OSBPL3: variants seen among roughly 807,000 people sequenced by gnomAD.
OSBPL3 encodes the protein oxysterol-binding protein-related protein 3.
Under a neutral mutation model 120.1 loss-of-function variants are expected in OSBPL3, and 65 were observed. That is an observed-to-expected ratio of 0.54 (90% CI 0.44 to 0.67). The LOEUF (loss-of-function observed/expected upper bound fraction) is 0.67, where lower values mean the gene tolerates loss of function less well. Among genes scored for constraint, OSBPL3 ranks in the 30% least tolerant of loss-of-function variants. OSBPL3 has a pLI of 0.00. For synonymous variants in OSBPL3, 416 were observed against 402.6 expected, an observed-to-expected ratio of 1.03 and a Z score of -0.40; for missense variants, 1,004 against 1,082.1, an observed-to-expected ratio of 0.93 and a Z score of 1.01.
intron 1 of OSBPL3, among the ~76,000 whole-genome samples, chr7:24,924,324 T>C (rs764989632): frequency 5.9e-5 from 9 of 152,220 alleles, no homozygotes; most frequent in Non-Finnish European, 1.3e-4. Flanking sequence ...TAAGAGATTT[T>C]TTCTTCCTCT....
intron 1 of OSBPL3, among the ~76,000 whole-genome samples, chr7:24,911,698 A>G (rs1808843816): frequency 6.6e-6 from 1 of 151,226 alleles, no homozygotes; most frequent in South Asian, 2.1e-4. Flanking sequence ...TGCAGGGGCG[A>G]TAATAATTCC....
At chr7:24,915,446 G>A (rs1054819174) in intron 1 of OSBPL3, among the ~76,000 whole-genome samples, 1 of 151,900 alleles carries the variant, frequency 6.6e-6, no homozygotes, top group Non-Finnish European at 1.5e-5. Flanking sequence ...CAGAAAAGTT[G>A]TCTTTCAAAA....
chr7:24,828,979 T>C (rs895454112), intron 16 of OSBPL3, among the ~76,000 whole-genome samples: 1 of 152,200 alleles, frequency 6.6e-6, no homozygotes, highest in African/African-American at 2.4e-5. Flanking sequence ...TTTGTGCACA[T>C]GTGCCCAGGA....
Position 24,808,664 on chromosome 7 carries a change from A to G in OSBPL3, c.2317+1143T>C, listed in dbSNP as rs184095404. On this transcript the variant is annotated intron_variant, in intron 20 of 22. Coordinates refer to ENST00000313367, the MANE Select transcript of OSBPL3 (RefSeq NM_015550.4). The surrounding 1 kb of genome is among the most constrained non-coding windows in gnomAD (Gnocchi z 4.6). ...ACTGCTGGCTGCCTACTTGACCATC[A>G]TTTCTCTTTCTTGCTTGCTAACAGA... 1.3e-5 allele frequency among the ~76,000 whole-genome samples: 2 copies of G among 152,260 alleles called. No homozygotes were observed. Among genetic ancestry groups the G allele is most frequent in the Admixed American group, 6.5e-5 (1 of 15,296 alleles).
intron 2 of OSBPL3, among the ~76,000 whole-genome samples, chr7:24,887,528 A>G (rs1426640320): frequency 6.6e-6 from 1 of 152,188 alleles, no homozygotes; most frequent in Non-Finnish European, 1.5e-5. Context: ...GAAAACACTC[A>G]ATTTTCTCTT....
intron 1 of OSBPL3, among the ~76,000 whole-genome samples, chr7:24,970,354 C>T (rs1816869597): frequency 6.6e-6 from 1 of 152,114 alleles, no homozygotes; most frequent in African/African-American, 2.4e-5. Context: ...GATCTGCCTG[C>T]CTCAGTCTCT....
rs769382992 is a variant in OSBPL3 at position 24,852,570 on chromosome 7, C to T, written c.1092G>A (p.Leu364=). The change falls in exon 11 of 23, where the codon CTG becomes CTA. Residue 364 remains leucine (L), a synonymous_variant. Coordinates refer to ENST00000313367, the MANE Select transcript of OSBPL3 (RefSeq NM_015550.4). This position sits in a 1 kb window ranked among gnomAD's most constrained non-coding sequence, Gnocchi z 4.1. ...MSAEREKLKQ[L]MEQDASSSPS... The stretch of plus-strand genomic sequence containing the variant: ...GGGAGGAGGAGGCATCCTGCTCCAT[C>T]AGCTGCTTCAGTTTCTCTCTCTCCG... 3.7e-6 allele frequency: 6 copies of T among 1,610,132 alleles called. No homozygotes were observed. The highest frequency in any genetic ancestry group is 1.1e-5 in the South Asian group (1 of 90,298).
At chr7:24,829,771 G>C (rs1796150731) in intron 16 of OSBPL3, among the ~76,000 whole-genome samples, 1 of 151,790 alleles carries the variant, frequency 6.6e-6, no homozygotes, top group African/African-American at 2.4e-5. Context: ...ATATCTTAGA[G>C]GTTTTTTTTA....
rs1403459515 is a variant in OSBPL3 at position 24,871,976 on chromosome 7, A to G, written c.190T>C (p.Trp64Arg). 1.9e-6 allele frequency: 3 copies of G among 1,613,830 alleles called. No homozygotes were observed. Among genetic ancestry groups the G allele is most frequent in the Non-Finnish European group, 2.5e-6 (3 of 1,179,730 alleles). The change falls in exon 3 of 23, where the codon TGG (tryptophan) becomes CGG (arginine). Residue 64 changes from tryptophan (W) to arginine (R), a missense_variant. Physicochemically the swap from Trp to Arg is moderately radical, Grantham distance 101. This residue lies in a region of OSBPL3 where 255 missense variants were observed against 248.7 expected (regional missense o/e 1.03). Transcript: ENST00000313367. The surrounding 1 kb of genome is among the most constrained non-coding windows in gnomAD (Gnocchi z 4.8). ...ACCTTATGCCAGCCTTTTAAGGGCCACTTCCTCTTTTTCAGCAAAAATCCT... is the reference window on the plus strand; with the variant it reads ...ACCTTATGCCAGCCTTTTAAGGGCCGCTTCCTCTTTTTCAGCAAAAATCCT... ...QKGFLLKKRK[W>R]PLKGWHKRFF...
intron 6 of OSBPL3, 40 bp downstream of exon 6, chr7:24,866,030 A>G (rs952903089): frequency 1.3e-6 from 2 of 1,557,392 alleles, no homozygotes; most frequent in Admixed American, 1.7e-5. Context: ...AAACAAAGCC[A>G]CCCCGTTCTC....
Position 24,866,214 on chromosome 7 carries a change from A to C in OSBPL3, c.405T>G (p.Asp135Glu), listed in dbSNP as rs755651524. The C allele has an allele frequency of 6.2e-7, 1 of 1,611,920 alleles. No homozygotes were observed. The highest frequency in any genetic ancestry group is 8.5e-7 in the Non-Finnish European group (1 of 1,177,978). Residue 135 changes from aspartate to glutamate, a missense_variant, in exon 6 of 23, where the codon GAT (aspartate) becomes GAG (glutamate). Around this residue, in one of 4 missense-constraint regions of OSBPL3, gnomAD observed 255 missense variants for 248.7 expected, o/e 1.03. Transcript: ENST00000313367. ...GGTGGCGAAGTTTCGATACCCACTC[A>C]TCAAAGACTTCTTCTGACTTGACCT... ...HLKVKSEEVF[D>E]EWVSKLRHHR...
Position 24,820,196 on chromosome 7 carries a change from T to C in OSBPL3, c.1927A>G (p.Arg643Gly). 4 of 1,612,410 alleles carry C rather than the reference T, an allele frequency of 2.5e-6. No individual in the cohort carries two copies. Among genetic ancestry groups the C allele is most frequent in the Non-Finnish European group, 3.4e-6 (4 of 1,178,816 alleles). The change falls in exon 17 of 23, where the codon AGA becomes GGA. Residue 643 changes from arginine (R) to glycine (G), a missense_variant. Transcript: ENST00000313367. The surrounding 1 kb of genome is among the most constrained non-coding windows in gnomAD (Gnocchi z 4.6). Reference sequence around the variant, plus strand: ...TTACCTTGCCAGAAAACAAAATTTCTAGACTCAGCATGACACGCAGAGATA... The same window carrying C: ...TTACCTTGCCAGAAAACAAAATTTCCAGACTCAGCATGACACGCAGAGATA... ...PPISACHAES[R>G]NFVFWQDVRW...
intron 1 of OSBPL3, among the ~76,000 whole-genome samples, chr7:24,976,030 G>A (rs1445871511): frequency 1.3e-5 from 2 of 152,216 alleles, no homozygotes; most frequent in African/African-American, 2.4e-5. Flanking sequence ...CTGCTGGATC[G>A]TGACTTTAGG....
rs1218419996 is a variant in OSBPL3, at chr7:24,803,674, G to C, written c.2567+641C>G. ...TAGTCCCAGCTACTTAGGAGGCTGAGGCAGGAGAATCGCTTGAACCCAGGA... is the reference window on the plus strand; with the variant it reads ...TAGTCCCAGCTACTTAGGAGGCTGACGCAGGAGAATCGCTTGAACCCAGGA... On this transcript the variant is annotated intron_variant, in intron 22 of 22. Transcript: ENST00000313367. The surrounding 1 kb of genome is among the most constrained non-coding windows in gnomAD (Gnocchi z 4.2). 6.6e-6 allele frequency among the ~76,000 whole-genome samples: 1 copy of C among 152,122 alleles called. No homozygotes were observed. The highest frequency in any genetic ancestry group is 2.4e-5 in the African/African-American group (1 of 41,398).
At chr7:24,971,454 T>C (rs191949428) in intron 1 of OSBPL3, among the ~76,000 whole-genome samples, 233 of 152,306 alleles carry the variant, frequency 1.5e-3, no homozygotes, top group African/African-American at 4.6e-3. Context: ...CAAAGCTGTA[T>C]GCACAGATGG....
chr7:24,928,682 A>G (rs35617882), intron 1 of OSBPL3, among the ~76,000 whole-genome samples: 20,981 of 151,908 alleles, frequency 0.14, 1,525 homozygotes, highest in East Asian at 0.22. Flanking sequence ...TTTGCAGTCA[A>G]CTCTAACCCT....
rs1795020515 is a variant in OSBPL3, at chr7:24,820,718, T to C, written c.1885-480A>G. On this transcript the variant is annotated intron_variant, in intron 16 of 22. Transcript: ENST00000313367. This position sits in a 1 kb window ranked among gnomAD's most constrained non-coding sequence, Gnocchi z 4.6. ...TGTTCTTCCTCGGGCTCAGCCAATT[T>C]AACTCTTGAAAACTCTGCATCATAA... 6.6e-6 allele frequency among the ~76,000 whole-genome samples: 1 copy of C among 152,098 alleles called. No homozygotes were observed. The highest frequency in any genetic ancestry group is 6.5e-5 in the Admixed American group (1 of 15,268).
Position 24,965,444 on chromosome 7 carries a change from G to C in OSBPL3, c.-150+14442C>G, listed in dbSNP as rs909909117. Among the ~76,000 whole-genome samples, 1 of 152,110 alleles carries C rather than the reference G, an allele frequency of 6.6e-6. No homozygotes were observed. The highest frequency in any genetic ancestry group is 1.5e-5 in the Non-Finnish European group (1 of 68,024). ...ATATATTAAAGTGATTTACAAATGT[G>C]GAAGTGTTATATAAAATAAGGGGGT... On this transcript the variant is annotated intron_variant, in intron 1 of 22. Transcript: ENST00000313367. This position sits in a 1 kb window ranked among gnomAD's most constrained non-coding sequence, Gnocchi z 4.3.
In OSBPL3 at chr7:24,955,310, G is replaced by T. The variant is rs946590353; in HGVS notation, c.-150+24576C>A. Among the ~76,000 whole-genome samples the T allele has an allele frequency of 1.3e-5, 2 of 152,154 alleles. No individual in the cohort carries two copies. Among genetic ancestry groups the T allele is most frequent in the Non-Finnish European group, 2.9e-5 (2 of 68,030 alleles). On this transcript the variant is annotated intron_variant, in intron 1 of 22. Transcript: ENST00000313367. This position sits in a 1 kb window ranked among gnomAD's most constrained non-coding sequence, Gnocchi z 4.3. The stretch of plus-strand genomic sequence containing the variant: ...AAACTTTTCCCATAATGAGTTTGGG[G>T]GCTACCATGTCATTTAGCAATTAAT...
Sources: gnomAD v4.1 joint callset for allele counts (sites outside exome capture counted in the v4.1 genomes callset) on GRCh38, gnomAD v4.1.1 for gene constraint, gnomAD v4.1.1 regional missense constraint, Gnocchi (gnomAD v3.1) non-coding constraint, MANE v1.5 for transcripts, NCBI Gene and HGNC (gene_info 2026-07-23, HGNC 2026-07-21) for gene names.